The following MFSD2B variants were observed in gnomAD, a reference collection of about 807,000 sequenced individuals.
The protein encoded by MFSD2B is sphingosine-1-phosphate transporter MFSD2B.
MFSD2B carries 56 observed loss-of-function variants against 58.4 expected under a neutral mutation model. The ratio of observed to expected loss-of-function variants is 0.96; its 90% confidence interval spans 0.77 to 1.20. MFSD2B has a LOEUF of 1.20. Ranked by LOEUF, MFSD2B falls within the 50% of genes most tolerant of loss-of-function variation. MFSD2B has a pLI of 0.00. For missense variants in MFSD2B, 645 were observed against 667.6 expected (o/e 0.97, Z 0.37); for synonymous variants, 287 against 294.4 (o/e 0.97, Z 0.26).
Position 24,010,190 on chromosome 2 carries a change from G to C in MFSD2B, c.94G>C (p.Glu32Gln). 1.4e-6 allele frequency: 2 copies of C among 1,411,124 alleles called. No individual in the cohort carries two copies. The highest frequency in any genetic ancestry group is 1.8e-6 in the Non-Finnish European group (2 of 1,088,916). 87.4% of individuals were successfully genotyped at this position (1,411,124 alleles called of 1,614,324 possible). Reference sequence around the variant, plus strand: ...CCCGGGGAGCGCCAAGCGAGGGCGAGAGGTGAGCGGGGCGGCGGGGACCGG... The same window carrying C: ...CCCGGGGAGCGCCAAGCGAGGGCGACAGGTGAGCGGGGCGGCGGGGACCGG... ...PGPGSAKRGR[E>Q]DSRAGRLSFC... The change falls in exon 1 of 14, where the codon GAG becomes CAG. Residue 32 changes from glutamate to glutamine, a missense_variant and splice_region_variant. Transcript: ENST00000338315.
At position 24,023,273 on chromosome 2, in the gene MFSD2B, C is replaced by T. The variant is rs1471179354; in HGVS notation, c.1169+34C>T. On this transcript the variant is annotated intron_variant, in intron 11 of 13. Transcript: ENST00000338315. This position sits in a 1 kb window ranked among gnomAD's most constrained non-coding sequence, Gnocchi z 5.0. ...GGTGTGGGGGCCTCACGTGTGTCCA[C>T]AGTGGGTGTCACCTCCTTCATGTAA... The T allele has an allele frequency of 2.0e-6, 3 of 1,529,242 alleles. No homozygotes were observed. The South Asian group carries it at 3.4e-5, about 17-fold the overall frequency. The allele number at this position is 1,529,242 out of a possible 1,614,324, so 94.7% of individuals were successfully genotyped here.
At position 24,022,426 on chromosome 2, in the gene MFSD2B, TC is replaced by T; in HGVS notation, c.895-5del. On this transcript the variant is annotated splice_region_variant and splice_polypyrimidine_tract_variant and intron_variant, in intron 8 of 13. Coordinates refer to ENST00000338315, the MANE Select transcript of MFSD2B (RefSeq NM_001346880.2). The surrounding 1 kb of genome is among the most constrained non-coding windows in gnomAD (Gnocchi z 4.5). ...TGCACATACCCACTTCCTGTCCATC[TC>T]CTCAGGTGGAGCAGAGCTACCTGGT... 6.2e-7 allele frequency: 1 copy of T among 1,611,766 alleles called. No homozygotes were observed. The highest frequency in any genetic ancestry group is 8.5e-7 in the Non-Finnish European group (1 of 1,178,866).
intron 2 of MFSD2B, among the ~76,000 whole-genome samples, chr2:24,015,730 G>T (rs755121861): frequency 6.6e-6 from 1 of 152,236 alleles, no homozygotes; most frequent in Non-Finnish European, 1.5e-5. Context: ...GTGAAACACA[G>T]TGTCCACCTC....
intron 6 of MFSD2B, among the ~76,000 whole-genome samples, chr2:24,019,548 C>T (rs1438305006): frequency 3.3e-5 from 5 of 152,062 alleles, no homozygotes; most frequent in African/African-American, 1.2e-4. Context: ...CATGGTGAAA[C>T]CCCATCATTA....
chr2:24,012,176 AC>A lies in MFSD2B; in HGVS notation c.97-1108del, dbSNP rs770497206. Among the ~76,000 whole-genome samples, 62 of 131,598 alleles carry A rather than the reference AC, an allele frequency of 4.7e-4. 1 individual carries two copies. Among genetic ancestry groups the A allele is most frequent in the Middle Eastern group, 3.9e-3 (1 of 256 alleles). 86.3% of individuals were successfully genotyped at this position (131,598 alleles called of 152,430 possible). On this transcript the variant is annotated intron_variant, in intron 1 of 13. Coordinates refer to ENST00000338315, the MANE Select transcript of MFSD2B (RefSeq NM_001346880.2). This position sits in a 1 kb window ranked among gnomAD's most constrained non-coding sequence, Gnocchi z 4.5. Reference sequence around the variant, plus strand: ...AACACACACACACACACACACACACACACAAAAACAGACAAAAAAACCCTGC... The same window carrying A: ...AACACACACACACACACACACACACAACAAAAACAGACAAAAAAACCCTGC...
chr2:24,025,365 TTCTGCGGCAG>T, intron 13 of MFSD2B, 57 bp from the exon 14 acceptor site: 6 of 1,462,220 alleles, frequency 4.1e-6, no homozygotes, highest in Non-Finnish European at 5.6e-6. Context: ...TTCCGCGGGC[TTCTGCGGCAG>T]GACAGAGGGC....
Position 24,022,704 on chromosome 2 carries a change from C to T in MFSD2B, c.979-118C>T, listed in dbSNP as rs1662839912. On this transcript the variant is annotated intron_variant, in intron 9 of 13. Transcript: ENST00000338315. The surrounding 1 kb of genome is among the most constrained non-coding windows in gnomAD (Gnocchi z 4.5). Reference sequence around the variant, plus strand: ...CCAGGATTACAACATTCATAGCCACCGGTTTGAACCAGGGGCAAGGCCAAG... The same window carrying T: ...CCAGGATTACAACATTCATAGCCACTGGTTTGAACCAGGGGCAAGGCCAAG... The T allele has an allele frequency of 1.3e-5, 11 of 871,952 alleles. No homozygotes were observed. The Admixed American group carries it at 1.7e-4, about 14-fold the overall frequency. 54.0% of individuals were successfully genotyped at this position (871,952 alleles called of 1,614,324 possible).
Position 24,021,472 on chromosome 2 carries a change from C to T in MFSD2B, c.682-176C>T, listed in dbSNP as rs984904652. On this transcript the variant is annotated intron_variant, in intron 6 of 13. Transcript: ENST00000338315. This position sits in a 1 kb window ranked among gnomAD's most constrained non-coding sequence, Gnocchi z 5.7. ...GAGGGGGTGTGTGGAAGGACCAGCC[C>T]GGGCCCGGAGAGCATGCTGTCCTGT... Among the ~76,000 whole-genome samples, 8 of 152,260 alleles carry T rather than the reference C, an allele frequency of 5.3e-5. No homozygotes were observed. The highest frequency in any genetic ancestry group is 1.9e-4 in the African/African-American group (8 of 41,542).
At chr2:24,018,579 G>A (rs185692643) in intron 6 of MFSD2B, 105 of 182,874 alleles carry the variant, frequency 5.7e-4, no homozygotes, top group African/African-American at 2.3e-3. Flanking sequence ...AAGGGGGCCC[G>A]AATCGACCAT....
intron 3 of MFSD2B, 115 bp from the exon 4 acceptor site, chr2:24,016,730 C>A (rs1021814582): frequency 2.2e-6 from 3 of 1,346,226 alleles, no homozygotes; most frequent in Admixed American, 4.7e-5. Context: ...ACCCAGGGCG[C>A]CCCAGCCTAG....
chr2:24,016,727 G>A (rs1012214593), intron 3 of MFSD2B, 118 bp from the exon 4 acceptor site: 2 of 1,278,100 alleles, frequency 1.6e-6, no homozygotes, highest in Non-Finnish European at 2.1e-6. Flanking sequence ...CCCACCCAGG[G>A]CGCCCCAGCC....
chr2:24,017,071 C>A lies in MFSD2B; in HGVS notation c.471+103C>A. ...GGGCAGGGCTGCCGCCCTCCCCACCCGCCTGTGCCTGGACCATGCCATTGG... is the reference window on the plus strand; with the variant it reads ...GGGCAGGGCTGCCGCCCTCCCCACCAGCCTGTGCCTGGACCATGCCATTGG... On this transcript the variant is annotated intron_variant, in intron 4 of 13. Transcript: ENST00000338315. The surrounding 1 kb of genome is among the most constrained non-coding windows in gnomAD (Gnocchi z 4.8). The A allele has an allele frequency of 1.4e-6, 2 of 1,480,336 alleles. No homozygotes were observed. Among genetic ancestry groups the A allele is most frequent in the South Asian group, 1.3e-5 (1 of 78,448 alleles). The allele number at this position is 1,480,336 out of a possible 1,614,324, so 91.7% of individuals were successfully genotyped here. A position where few individuals can be genotyped will look rare whatever the true frequency, so the allele number is the denominator to read the frequency against.
rs1211706323 is a variant in MFSD2B, at chr2:24,025,679, G to A, written c.*223G>A. ...TTCAGACTATCTCAGATAGGCCTGT[G>A]CCCCTGACTAGCCCAGTAGCACTTG... On this transcript the variant is annotated 3_prime_UTR_variant, in exon 14 of 14. Coordinates refer to ENST00000338315, the MANE Select transcript of MFSD2B (RefSeq NM_001346880.2). 1.1e-5 allele frequency: 6 copies of A among 553,062 alleles called. No individual in the cohort carries two copies. Among genetic ancestry groups the A allele is most frequent in the Non-Finnish European group, 1.9e-5 (6 of 308,488 alleles). The allele number at this position is 553,062 out of a possible 1,614,324, so 34.3% of individuals were successfully genotyped here.
chr2:24,018,057 G>A (rs1176033921), intron 6 of MFSD2B, among the ~76,000 whole-genome samples: 2 of 152,110 alleles, frequency 1.3e-5, no homozygotes, highest in Non-Finnish European at 2.9e-5. Flanking sequence ...CCCTTTCACG[G>A]CGGGTCCCTT....
Position 24,012,147 on chromosome 2 carries a change from ACAAAACACACACACACAC to A in MFSD2B, c.97-1137_97-1120del, listed in dbSNP as rs1708975277. Among the ~76,000 whole-genome samples, 1 of 128,204 alleles carries A rather than the reference ACAAAACACACACACACAC, an allele frequency of 7.8e-6. No homozygotes were observed. The highest frequency in any genetic ancestry group is 2.8e-5 in the African/African-American group (1 of 36,022). The allele number at this position is 128,204 out of a possible 152,430, so 84.1% of individuals were successfully genotyped here. A position where few individuals can be genotyped will look rare whatever the true frequency, so the allele number is the denominator to read the frequency against. On this transcript the variant is annotated intron_variant, in intron 1 of 13. Transcript: ENST00000338315. The surrounding 1 kb of genome is among the most constrained non-coding windows in gnomAD (Gnocchi z 4.5). ...GATCTGGAAACAAACAAACAAACAAACAAAACACACACACACACACACACACACACACAAAAACAGACA... is the reference window on the plus strand; with the variant it reads ...GATCTGGAAACAAACAAACAAACAAAACACACACACACACAAAAACAGACA...
At chr2:24,013,841 T>G (rs1709043754) in intron 2 of MFSD2B, among the ~76,000 whole-genome samples, 1 of 123,790 alleles carries the variant, frequency 8.1e-6, no homozygotes, top group Non-Finnish European at 1.9e-5. Flanking sequence ...GACGATTCTT[T>G]TTTTTTTTTT....
Position 24,023,975 on chromosome 2 carries a change from G to T in MFSD2B, c.1314-120G>T. On this transcript the variant is annotated intron_variant, in intron 12 of 13. Transcript: ENST00000338315. This position sits in a 1 kb window ranked among gnomAD's most constrained non-coding sequence, Gnocchi z 5.0. ...CACCTTGACACTCCTCTCCTGATCT[G>T]ACCAGGAAATGAAGTCCACGTTTCA... The T allele has an allele frequency of 9.0e-7, 1 of 1,108,538 alleles. No individual in the cohort carries two copies. Among genetic ancestry groups the T allele is most frequent in the South Asian group, 1.5e-5 (1 of 68,556 alleles). 68.7% of individuals were successfully genotyped at this position (1,108,538 alleles called of 1,614,324 possible). A position where few individuals can be genotyped will look rare whatever the true frequency, so the allele number is the denominator to read the frequency against.
Position 24,022,515 on chromosome 2 carries a change from T to C in MFSD2B, c.977T>C (p.Leu326Pro). The change falls in exon 9 of 14, where the codon CTG (leucine) becomes CCG (proline). Residue 326 changes from leucine to proline, a missense_variant and splice_region_variant. Leu to Pro is a moderately conservative substitution (Grantham distance 98, BLOSUM62 -3). Coordinates refer to ENST00000338315, the MANE Select transcript of MFSD2B (RefSeq NM_001346880.2). This position sits in a 1 kb window ranked among gnomAD's most constrained non-coding sequence, Gnocchi z 4.5. Reference sequence around the variant, plus strand: ...GTCCAGGGCCTGGTACTAACTGTCCTGGTGAGGGGGCCTGGGGTGGTGGAG... The same window carrying C: ...GTCCAGGGCCTGGTACTAACTGTCCCGGTGAGGGGGCCTGGGGTGGTGGAG... ...DHVQGLVLTV[L>P]VSAVLSTPLW... The C allele has an allele frequency of 6.2e-7, 1 of 1,612,186 alleles. No individual in the cohort carries two copies.
In MFSD2B at chr2:24,017,653, C is replaced by A; in HGVS notation, c.681+65C>A. 1 of 1,477,102 alleles carries A rather than the reference C, an allele frequency of 6.8e-7. No homozygotes were observed. Among genetic ancestry groups the A allele is most frequent in the Non-Finnish European group, 9.1e-7 (1 of 1,103,926 alleles). 91.5% of individuals were successfully genotyped at this position (1,477,102 alleles called of 1,614,324 possible). A position where few individuals can be genotyped will look rare whatever the true frequency, so the allele number is the denominator to read the frequency against. On this transcript the variant is annotated intron_variant, in intron 6 of 13. Transcript: ENST00000338315. The surrounding 1 kb of genome is among the most constrained non-coding windows in gnomAD (Gnocchi z 4.8). ...CCCTCTGCAGGGTCACCTCCTTCCTCTAGGGCTGGTTCTCCCGTCCACACC... is the reference window on the plus strand; with the variant it reads ...CCCTCTGCAGGGTCACCTCCTTCCTATAGGGCTGGTTCTCCCGTCCACACC...
Sources: gnomAD v4.1 joint callset for allele counts (sites outside exome capture counted in the v4.1 genomes callset) on GRCh38, gnomAD v4.1.1 for gene constraint, Gnocchi (gnomAD v3.1) non-coding constraint, MANE v1.5 for transcripts, NCBI Gene and HGNC (gene_info 2026-07-23, HGNC 2026-07-21) for gene names.